The following AGK variants were observed in gnomAD, a reference collection of about 807,000 sequenced individuals.
The protein encoded by AGK is acylglycerol kinase.
In AGK, 52 loss-of-function variants were observed where a neutral mutation model predicts 66.4. The observed-to-expected ratio is 0.78, with a 90% confidence interval of 0.63 to 0.99. The LOEUF (loss-of-function observed/expected upper bound fraction) is 0.99. Among genes scored for constraint, AGK ranks in the 50% least tolerant of loss-of-function variants. The pLI is 0.00. For synonymous variants in AGK, 182 were observed against 181.1 expected (o/e 1.00, Z -0.04); for missense variants, 451 against 506.6 (o/e 0.89, Z 1.05).
intron 9 of AGK, among the ~76,000 whole-genome samples, chr7:141,632,056 C>A (rs372033169): frequency 2.6e-5 from 4 of 151,920 alleles, no homozygotes; most frequent in African/African-American, 9.7e-5. Flanking sequence ...TGGTGAAACC[C>A]CGTCTCTACT....
At chr7:141,593,324 G>T (rs559298075) in intron 3 of AGK, 139 bp downstream of exon 3, 6 of 784,792 alleles carry the variant, frequency 7.6e-6, no homozygotes, top group Admixed American at 3.9e-5. Context: ...GATGAATCAC[G>T]CTGGGAGCCA....
chr7:141,601,218 CTATT>C lies in AGK; in HGVS notation c.237_240del (p.Phe80LysfsTer15). 1 of 1,612,338 alleles carries C rather than the reference CTATT, an allele frequency of 6.2e-7. No individual in the cohort carries two copies. Among genetic ancestry groups the C allele is most frequent in the Non-Finnish European group, 8.5e-7 (1 of 1,178,930 alleles). The stretch of plus-strand genomic sequence containing the variant: ...CTTTGTTAACAGAAAAGCCAGGACT[CTATT>C]TGAAAAAAATGCTGCCCCGATTTTA... On this transcript the variant is annotated frameshift_variant, in exon 5 of 16. Transcript: ENST00000649286. LOFTEE classifies it high-confidence loss of function.
intron 12 of AGK, 50 bp downstream of exon 12, chr7:141,641,448 T>C (rs570308543): frequency 6.8e-5 from 105 of 1,555,284 alleles, no homozygotes; most frequent in Middle Eastern, 1.7e-4. Flanking sequence ...AGTTTAGAAG[T>C]GCCCTAAAGT....
intron 1 of AGK, among the ~76,000 whole-genome samples, chr7:141,552,749 C>T (rs1795122244): frequency 2.0e-5 from 3 of 152,248 alleles, no homozygotes; most frequent in East Asian, 1.9e-4. Flanking sequence ...CTGTATAAGA[C>T]CCTTCAGTGA....
At chr7:141,641,555 A>C (rs1375533079) in intron 12 of AGK, among the ~76,000 whole-genome samples, 157 bp downstream of exon 12, 3 of 152,220 alleles carry the variant, frequency 2.0e-5, no homozygotes, top group Non-Finnish European at 4.4e-5. Context: ...GAGCAGGCCC[A>C]AGCAATGTGC....
At chr7:141,570,368 C>G (rs1221403142) in intron 2 of AGK, among the ~76,000 whole-genome samples, 1 of 151,990 alleles carries the variant, frequency 6.6e-6, no homozygotes, top group Non-Finnish European at 1.5e-5. Context: ...GCCTGGGTGA[C>G]AGAGTGAGAC....
chr7:141,593,641 C>G lies in AGK; in HGVS notation c.141+456C>G. On this transcript the variant is annotated intron_variant, in intron 3 of 15. Transcript: ENST00000649286. ...AAGTTCAACTGATCCATATCATGTA[C>G]ACTGTTATATTCCATGAGATTTTAC... is the stretch of plus-strand genomic sequence containing the variant. 7 of 490,482 alleles carry G rather than the reference C, an allele frequency of 1.4e-5. No individual in the cohort carries two copies. The South Asian group carries it at 2.2e-4, about 16-fold the overall frequency. The allele number at this position is 490,482 out of a possible 1,614,324, so 30.4% of individuals were successfully genotyped here.
chr7:141,593,059 A>G (rs1338216088), intron 2 of AGK, 87 bp from the exon 3 acceptor site: 12 of 1,120,270 alleles, frequency 1.1e-5, no homozygotes, highest in African/African-American at 1.6e-5. Flanking sequence ...AGAGGTGCCT[A>G]TATTAAAAAA....
intron 2 of AGK, among the ~76,000 whole-genome samples, chr7:141,575,508 T>C (rs780995632): frequency 5.9e-5 from 9 of 152,180 alleles, no homozygotes; most frequent in Non-Finnish European, 1.0e-4. Context: ...ACTAATGGGA[T>C]ATTGTCATAT....
intron 14 of AGK, chr7:141,650,724 C>A: frequency 1.0e-6 from 1 of 960,666 alleles, no homozygotes; most frequent in Non-Finnish European, 1.2e-6. Context: ...ATATTGTATG[C>A]CAAGTAGACC....
Position 141,615,493 on chromosome 7 carries a change from T to C in AGK, c.446T>C (p.Ile149Thr), listed in dbSNP as rs560437625. Reference sequence around the variant, plus strand: ...CAGGCTACCTTCAGTAAGATTCCCATTGGATTTATCCCACTGGGAGAGACC... The same window carrying C: ...CAGGCTACCTTCAGTAAGATTCCCACTGGATTTATCCCACTGGGAGAGACC... The part of the protein sequence containing the change: ...TDEATFSKIP[I>T]GFIPLGETSS... The change falls in exon 8 of 16, where the codon ATT (isoleucine) becomes ACT (threonine). Residue 149 changes from isoleucine to threonine, a missense_variant. Transcript: ENST00000649286. 183 of 1,613,698 alleles carry C rather than the reference T, an allele frequency of 1.1e-4. 2 individuals are homozygous for C. The South Asian group carries it at 1.9e-3, about 16-fold the overall frequency.
intron 5 of AGK, among the ~76,000 whole-genome samples, chr7:141,603,844 A>G (rs897467055): frequency 6.6e-6 from 1 of 152,192 alleles, no homozygotes; most frequent in Non-Finnish European, 1.5e-5. Flanking sequence ...TCAGTTACAG[A>G]TATCCTCTAA....
At chr7:141,565,788 G>A (rs577941434) in intron 2 of AGK, among the ~76,000 whole-genome samples, 1 of 152,058 alleles carries the variant, frequency 6.6e-6, no homozygotes, top group Non-Finnish European at 1.5e-5. Context: ...CACTGTCTTG[G>A]CTTTTGTCCA....
At chr7:141,574,259 G>A (rs1258081175) in intron 2 of AGK, among the ~76,000 whole-genome samples, 1 of 152,124 alleles carries the variant, frequency 6.6e-6, no homozygotes, top group East Asian at 1.9e-4. Context: ...AAAATGGCTG[G>A]TGGTAGAAGG....
intron 13 of AGK, among the ~76,000 whole-genome samples, chr7:141,642,451 T>G (rs567423046): frequency 4.6e-5 from 7 of 152,174 alleles, no homozygotes; most frequent in Non-Finnish European, 8.8e-5. Context: ...ATTCAAAACT[T>G]AGTTCCTAAG....
chr7:141,628,725 G>A (rs1323993571), intron 9 of AGK, among the ~76,000 whole-genome samples: 2 of 152,216 alleles, frequency 1.3e-5, no homozygotes, highest in Non-Finnish European at 2.9e-5. Context: ...ATTATGACGA[G>A]TTGTGCTGGA....
intron 5 of AGK, among the ~76,000 whole-genome samples, chr7:141,605,853 C>A (rs1325847393): frequency 6.6e-6 from 1 of 152,178 alleles, no homozygotes; most frequent in Non-Finnish European, 1.5e-5. Flanking sequence ...TCCCATTTGA[C>A]ATGAAAGCTC....
intron 2 of AGK, among the ~76,000 whole-genome samples, chr7:141,571,062 C>A (rs897843799): frequency 3.3e-5 from 5 of 152,106 alleles, no homozygotes; most frequent in Non-Finnish European, 7.4e-5. Flanking sequence ...TGATACTGGC[C>A]CTGACTTTAT....
chr7:141,617,666 A>G (rs1356758588), intron 8 of AGK, among the ~76,000 whole-genome samples: 1 of 152,230 alleles, frequency 6.6e-6, no homozygotes, highest in Non-Finnish European at 1.5e-5. Context: ...AGTTATTGGC[A>G]GGAGAATGAT....
Sources: allele counts gnomAD v4.1 joint callset (sites outside exome capture counted in the v4.1 genomes callset), GRCh38; gene constraint gnomAD v4.1.1; transcripts MANE v1.5; gene names NCBI Gene and HGNC (gene_info 2026-07-23, HGNC 2026-07-21).